ATP6V1B1: variants seen among roughly 807,000 people sequenced by gnomAD.
ATP6V1B1 encodes the protein V-type proton ATPase subunit B, kidney isoform.
A neutral mutation model predicts 62.1 loss-of-function variants in ATP6V1B1; 41 were observed. That is an observed-to-expected ratio of 0.66 (90% confidence interval 0.51 to 0.86). ATP6V1B1 has a LOEUF of 0.86. Among genes scored for constraint, ATP6V1B1 ranks in the 40% least tolerant of loss-of-function variants. The pLI is 0.00. For missense variants in ATP6V1B1, 651 were observed against 697.5 expected, an observed-to-expected ratio of 0.93 and a Z score of 0.75; for synonymous variants, 253 against 273.4, an observed-to-expected ratio of 0.93 and a Z score of 0.74.
intron 2 of ATP6V1B1, among the ~76,000 whole-genome samples, chr2:70,955,199 C>A (rs966011834): frequency 3.3e-5 from 5 of 152,114 alleles, no homozygotes; most frequent in Non-Finnish European, 7.3e-5. Flanking sequence ...GATAGGGTTT[C>A]ACTCTGTCAC....
intron 2 of ATP6V1B1, among the ~76,000 whole-genome samples, chr2:70,957,365 G>T (rs918504134): frequency 9.2e-5 from 14 of 151,970 alleles, no homozygotes; most frequent in African/African-American, 3.1e-4. Flanking sequence ...CTCCCAAATT[G>T]CTGGGATTAC....
At chr2:70,944,115 ATCT>A (rs1680086015) in intron 2 of ATP6V1B1, 5 of 1,284,678 alleles carry the variant, frequency 3.9e-6, no homozygotes, top group Admixed American at 2.5e-5. Flanking sequence ...CTCTCACAGG[ATCT>A]TCTTTTAACG....
At chr2:70,949,636 G>C (rs569062260) in intron 2 of ATP6V1B1, among the ~76,000 whole-genome samples, 1 of 152,228 alleles carries the variant, frequency 6.6e-6, no homozygotes, top group African/African-American at 2.4e-5. Context: ...AACTAGTACT[G>C]TCTCGCTTTT....
At chr2:70,943,839 C>T in intron 2 of ATP6V1B1, 126 bp downstream of exon 2, 1 of 1,359,628 alleles carries the variant, frequency 7.4e-7, no homozygotes, top group African/African-American at 1.4e-5. Flanking sequence ...CTGTTCTCTC[C>T]ATCCAGGCAC....
intron 3 of ATP6V1B1, 50 bp downstream of exon 3, chr2:70,958,194 A>G: frequency 6.3e-7 from 1 of 1,596,268 alleles, no homozygotes; most frequent in Non-Finnish European, 8.6e-7. Flanking sequence ...GAATTAACCC[A>G]TAAAGTTCCC....
chr2:70,943,313 G>T, intron 1 of ATP6V1B1: 1 of 497,092 alleles, frequency 2.0e-6, no homozygotes, highest in East Asian at 3.8e-5. Flanking sequence ...GAAAATGCTT[G>T]GAGTGAGAGA....
Position 70,963,930 on chromosome 2 carries a change from C to T in ATP6V1B1, c.1143+276C>T, listed in dbSNP as rs569168705. On this transcript the variant is annotated intron_variant, in intron 11 of 13. Transcript: ENST00000234396. The surrounding 1 kb of genome is among the most constrained non-coding windows in gnomAD (Gnocchi z 4.3). Reference sequence around the variant, plus strand: ...GGAATAATCAAATATATCACCCAGACGCATTGTGGAGGATAAAAATAAGTT... The same window carrying T: ...GGAATAATCAAATATATCACCCAGATGCATTGTGGAGGATAAAAATAAGTT... 72 of 538,140 alleles carry T rather than the reference C, an allele frequency of 1.3e-4. No individual in the cohort carries two copies. The highest frequency in any genetic ancestry group is 1.1e-3 in the South Asian group (55 of 49,640). 33.3% of individuals were successfully genotyped at this position (538,140 alleles called of 1,614,324 possible).
intron 2 of ATP6V1B1, among the ~76,000 whole-genome samples, chr2:70,956,476 T>A (rs994248729): frequency 6.6e-6 from 1 of 152,248 alleles, no homozygotes; most frequent in African/African-American, 2.4e-5. Flanking sequence ...GGACATTGAG[T>A]TATTTTCACT....
chr2:70,936,921 T>A (rs1679867147), intron 1 of ATP6V1B1, among the ~76,000 whole-genome samples: 1 of 152,116 alleles, frequency 6.6e-6, no homozygotes, highest in African/African-American at 2.4e-5. Flanking sequence ...GTGCCTGTCC[T>A]GCAAGGGTGG....
At chr2:70,943,446 C>T (rs1313968375) in intron 1 of ATP6V1B1, 4 of 688,778 alleles carry the variant, frequency 5.8e-6, no homozygotes, top group Non-Finnish European at 1.1e-5. Context: ...CTCCCCCAGC[C>T]TCCTGCAGGT....
chr2:70,955,879 TTATTA>T (rs1400728141), intron 2 of ATP6V1B1: 1 of 154,664 alleles, frequency 6.5e-6, no homozygotes, highest in African/African-American at 2.4e-5. Context: ...AGTTAACAGT[TTATTA>T]TAATTTTTTT....
chr2:70,937,069 G>A (rs1679871202), intron 1 of ATP6V1B1, among the ~76,000 whole-genome samples: 1 of 119,582 alleles, frequency 8.4e-6, no homozygotes, highest in Non-Finnish European at 1.7e-5. Context: ...CCACAGCTAT[G>A]CAAAGCCAGA....
In ATP6V1B1 at chr2:70,964,461, C is replaced by T. The variant is rs2104833790; in HGVS notation, c.1167C>T (p.Leu389=). Residue 389 remains leucine (L), a synonymous_variant, in exon 12 of 14, where the codon CTC becomes CTT. Transcript: ENST00000234396. The part of the protein sequence containing the change: ...NRQIYPPINV[L]PSLSRLMKSA... ...AGATCTACCCCCCCATCAACGTGCT[C>T]CCTTCCCTGTCGCGGCTGATGAAGT... 6.2e-7 allele frequency: 1 copy of T among 1,614,106 alleles called. No homozygotes were observed. The highest frequency in any genetic ancestry group is 8.5e-7 in the Non-Finnish European group (1 of 1,180,030).
intron 8 of ATP6V1B1, among the ~76,000 whole-genome samples, chr2:70,962,230 C>T (rs959540693): frequency 1.3e-5 from 2 of 152,070 alleles, no homozygotes; most frequent in South Asian, 2.1e-4. Flanking sequence ...GAGCACTTCA[C>T]GTGGGAAGGG....
At chr2:70,943,105 T>C (rs987849149) in intron 1 of ATP6V1B1, among the ~76,000 whole-genome samples, 1 of 152,118 alleles carries the variant, frequency 6.6e-6, no homozygotes, top group Non-Finnish European at 1.5e-5. Flanking sequence ...CCAGTGAGCC[T>C]GGGGAGTCCA....
chr2:70,948,655 G>T (rs1680247019), intron 2 of ATP6V1B1: 1 of 152,228 alleles, frequency 6.6e-6, no homozygotes, highest in African/African-American at 2.4e-5. Flanking sequence ...CAAGACGCCT[G>T]GGTGTTCGGA....
At chr2:70,938,533 C>A (rs552504473) in intron 1 of ATP6V1B1, 1 of 985,038 alleles carries the variant, frequency 1.0e-6, no homozygotes. Context: ...TCCCCTCCCC[C>A]GGGGGAGGTG....
At chr2:70,964,682 C>T (rs1224337715) in intron 12 of ATP6V1B1, 54 bp from the exon 13 acceptor site, 2 of 1,612,778 alleles carry the variant, frequency 1.2e-6, no homozygotes, top group East Asian at 4.5e-5. Flanking sequence ...TTGGGGGCTA[C>T]TGGACTCCCG....
At chr2:70,946,562 A>G (rs1680180015) in intron 2 of ATP6V1B1, among the ~76,000 whole-genome samples, 2 of 152,246 alleles carry the variant, frequency 1.3e-5, no homozygotes, top group Admixed American at 1.3e-4. Context: ...AGAACCATCA[A>G]TCTCGGATTG....
Sources: gnomAD v4.1 joint callset for allele counts (sites outside exome capture counted in the v4.1 genomes callset) on GRCh38, gnomAD v4.1.1 for gene constraint, Gnocchi (gnomAD v3.1) non-coding constraint, MANE v1.5 for transcripts, NCBI Gene and HGNC (gene_info 2026-07-23, HGNC 2026-07-21) for gene names.